BEAN1: variants seen among roughly 807,000 people sequenced by gnomAD.
BEAN1 encodes the protein protein BEAN1.
A neutral mutation model predicts 17.7 loss-of-function variants in BEAN1; 17 were observed. That is an observed-to-expected ratio of 0.96 (90% CI 0.66 to 1.44). The LOEUF is 1.44. Ranked by LOEUF, BEAN1 falls within the 40% of genes most tolerant of loss-of-function variation. The pLI, the probability that BEAN1 is intolerant of heterozygous loss-of-function variation, is 0.00. For missense variants in BEAN1, 359 were observed against 374.1 expected (o/e 0.96, Z 0.33); for synonymous variants, 142 against 151.8 (o/e 0.94, Z 0.47).
rs533050911 is a variant in BEAN1 at position 66,441,970 on chromosome 16, C to G, written c.25+4269C>G. On this transcript the variant is annotated intron_variant, in intron 2 of 4. Transcript: ENST00000536005. ...AGATAGTGCCAGCAGCTCTTATTAA[C>G]TCCCTCCTTTCAATTTGGCAGATGA... Among the ~76,000 whole-genome samples the G allele has an allele frequency of 7.5e-4, 115 of 152,324 alleles. 2 individuals are homozygous for G. The highest frequency in any genetic ancestry group is 2.5e-3 in the South Asian group (12 of 4,828).
Position 66,480,873 on chromosome 16 carries a change from G to T in BEAN1, c.728G>T (p.Gly243Val), listed in dbSNP as rs1184402409. 4 of 1,484,278 alleles carry T rather than the reference G, an allele frequency of 2.7e-6. No individual in the cohort carries two copies. The highest frequency in any genetic ancestry group is 3.6e-6 in the Non-Finnish European group (4 of 1,111,888). 91.9% of individuals were successfully genotyped at this position (1,484,278 alleles called of 1,614,324 possible). Reference protein sequence around the residue: ...GPDPGPRGSQGSPTPTRAPAS... With the variant: ...GPDPGPRGSQVSPTPTRAPAS... ...GACCCAGGGCCAAGGGGCTCCCAGGGCTCACCCACCCCAACCCGGGCCCCA... is the reference window on the plus strand; with the variant it reads ...GACCCAGGGCCAAGGGGCTCCCAGGTCTCACCCACCCCAACCCGGGCCCCA... The change falls in exon 5 of 5, where the codon GGC becomes GTC. Residue 243 changes from glycine (G) to valine (V), a missense_variant. Transcript: ENST00000536005.
At chr16:66,479,543 C>T (rs942747994) in intron 4 of BEAN1, among the ~76,000 whole-genome samples, 3 of 152,028 alleles carry the variant, frequency 2.0e-5, no homozygotes, top group African/African-American at 7.3e-5. Context: ...ATTCCCCCTC[C>T]AAACACACAC....
intron 1 of BEAN1, chr16:66,428,627 G>A (rs1961673236): frequency 6.6e-6 from 1 of 152,190 alleles, no homozygotes; most frequent in African/African-American, 2.4e-5. Flanking sequence ...TCCCCATCTG[G>A]AACATGGGGA....
chr16:66,452,638 G>A (rs1000302680), intron 2 of BEAN1, among the ~76,000 whole-genome samples: 6 of 152,328 alleles, frequency 3.9e-5, no homozygotes, highest in African/African-American at 1.2e-4. Context: ...ATCTGAGTGC[G>A]TTGTCAGGTG....
At chr16:66,451,636 T>C (rs968527301) in intron 2 of BEAN1, among the ~76,000 whole-genome samples, 3 of 152,238 alleles carry the variant, frequency 2.0e-5, no homozygotes, top group Non-Finnish European at 2.9e-5. Flanking sequence ...GGGCACCTAT[T>C]ATGAGCCAGG....
At chr16:66,457,431 A>G (rs1179014157) in intron 2 of BEAN1, among the ~76,000 whole-genome samples, 1 of 152,130 alleles carries the variant, frequency 6.6e-6, no homozygotes, top group Non-Finnish European at 1.5e-5. Flanking sequence ...CCCGCTCCCA[A>G]TGCCACAAAT....
chr16:66,493,406 C>T (rs1430578255), exon 5 of BEAN1: 2 of 621,736 alleles, frequency 3.2e-6, no homozygotes, highest in Non-Finnish European at 5.7e-6. Context: ...CTCAACAGCC[C>T]CCAACAGCCT....
At chr16:66,489,620 G>GAATCT (rs1257193292) in intron 4 of BEAN1, among the ~76,000 whole-genome samples, 4 of 152,168 alleles carry the variant, frequency 2.6e-5, no homozygotes, top group Admixed American at 6.6e-5. Flanking sequence ...GGTGGTAAAG[G>GAATCT]AATCTACCAA....
Position 66,469,715 on chromosome 16 carries a change from A to G in BEAN1, c.139A>G (p.Ile47Val). ...GGCGAGTGCCGTCATAGGTGTGGTC[A>G]TCATCCTCTCCTGCATCACCATCAT... ...LVASAVIGVV[I>V]ILSCITIIVG... is the part of the protein sequence containing the mutation. Residue 47 changes from isoleucine to valine, a missense_variant, in exon 3 of 5, where the codon ATC becomes GTC. Physicochemically the swap from Ile to Val is conservative, Grantham distance 29. Transcript: ENST00000536005. 6.5e-7 allele frequency: 1 copy of G among 1,536,052 alleles called. No homozygotes were observed. Among genetic ancestry groups the G allele is most frequent in the Non-Finnish European group, 8.7e-7 (1 of 1,146,876 alleles).
At chr16:66,452,600 G>A (rs1013177526) in intron 2 of BEAN1, among the ~76,000 whole-genome samples, 1 of 152,238 alleles carries the variant, frequency 6.6e-6, no homozygotes, top group Non-Finnish European at 1.5e-5. Context: ...ATGGGTGTTT[G>A]GCGAAGGGAT....
At chr16:66,485,084 G>A (rs1413050997), downstream of BEAN1, 11 of 454,010 alleles carry the variant, frequency 2.4e-5, no homozygotes, top group Non-Finnish European at 4.4e-5. Context: ...AACAGGCATC[G>A]CCCAGAAGAG....
At position 66,471,959 on chromosome 16, in the gene BEAN1, T is replaced by C. The variant is rs898925870; in HGVS notation, c.289+2094T>C. 3.3e-4 allele frequency among the ~76,000 whole-genome samples: 50 copies of C among 152,182 alleles called. No individual in the cohort carries two copies. The highest frequency in any genetic ancestry group is 1.2e-3 in the African/African-American group (49 of 41,454). ...TGGAGGATGCCGGGTAGACCCAGGA[T>C]GGTCAGTCTGCCGCCTGCCCCTCGC... On this transcript the variant is annotated intron_variant, in intron 3 of 4. Coordinates refer to ENST00000536005, the MANE Select transcript of BEAN1 (RefSeq NM_001178020.3). This position sits in a 1 kb window ranked among gnomAD's most constrained non-coding sequence, Gnocchi z 4.7.
intron 1 of BEAN1, among the ~76,000 whole-genome samples, chr16:66,437,328 C>CCACA (rs112297400): frequency 2.0e-5 from 3 of 151,060 alleles, no homozygotes; most frequent in Non-Finnish European, 3.0e-5. Context: ...ATCCTAATTC[C>CCACA]CAAAGATCCA....
downstream of BEAN1, chr16:66,483,253 C>T (rs1476582256): frequency 5.8e-6 from 1 of 173,408 alleles, no homozygotes; most frequent in Non-Finnish European, 1.2e-5. Context: ...GAAGCCTTGT[C>T]ATTTTCCTGT....
chr16:66,440,210 G>C (rs1261736915), intron 2 of BEAN1, among the ~76,000 whole-genome samples: 1 of 148,016 alleles, frequency 6.8e-6, no homozygotes, highest in African/African-American at 2.5e-5. Context: ...GCTCACTGCA[G>C]GCTCCGCCTC....
chr16:66,468,838 G>A (rs560376992), intron 2 of BEAN1, among the ~76,000 whole-genome samples: 6 of 152,238 alleles, frequency 3.9e-5, no homozygotes, highest in Non-Finnish European at 7.4e-5. Context: ...TTTCCGGTGA[G>A]AGGACTAAGT....
chr16:66,448,283 G>A (rs1483316042), intron 2 of BEAN1, among the ~76,000 whole-genome samples: 2 of 152,150 alleles, frequency 1.3e-5, no homozygotes, highest in African/African-American at 4.8e-5. Context: ...AGCTAAATAA[G>A]CAGGAGTTTC....
intron 2 of BEAN1, among the ~76,000 whole-genome samples, chr16:66,458,246 C>CA (rs1443430723): frequency 6.6e-6 from 1 of 152,140 alleles, no homozygotes; most frequent in Non-Finnish European, 1.5e-5. Context: ...CTTCCCTGAA[C>CA]CCAGACAGAA....
chr16:66,434,026 G>C lies in BEAN1; in HGVS notation c.-82-3569G>C, dbSNP rs1185656465. ...AGGGGAGTGGGAATGACGTGGACTTGCCACACACCATTCAGCCACTTCAAA... is the reference window on the plus strand; with the variant it reads ...AGGGGAGTGGGAATGACGTGGACTTCCCACACACCATTCAGCCACTTCAAA... On this transcript the variant is annotated intron_variant, in intron 1 of 4. Transcript: ENST00000536005. The surrounding 1 kb of genome is among the most constrained non-coding windows in gnomAD (Gnocchi z 4.3). Among the ~76,000 whole-genome samples, 1 of 152,228 alleles carries C rather than the reference G, an allele frequency of 6.6e-6. No homozygotes were observed. Among genetic ancestry groups the C allele is most frequent in the Non-Finnish European group, 1.5e-5 (1 of 68,028 alleles).
Sources: allele counts gnomAD v4.1 joint callset (sites outside exome capture counted in the v4.1 genomes callset), GRCh38; gene constraint gnomAD v4.1.1; non-coding constraint Gnocchi (gnomAD v3.1); transcripts MANE v1.5; gene names NCBI Gene and HGNC (gene_info 2026-07-23, HGNC 2026-07-21).